NCOR1: variants seen among roughly 807,000 people sequenced by gnomAD.
NCOR1 encodes the protein nuclear receptor corepressor 1.
NCOR1 carries 63 observed loss-of-function variants against 288.1 expected under a neutral mutation model. The observed-to-expected ratio is 0.22, with a 90% confidence interval of 0.18 to 0.27. The LOEUF (loss-of-function observed/expected upper bound fraction) is 0.27, where lower values mean the gene tolerates loss of function less well. Ranked by LOEUF, NCOR1 falls within the 10% of genes least tolerant of loss-of-function variation. NCOR1 has a pLI of 1.00. For synonymous variants in NCOR1, 1,007 were observed against 1,065.9 expected, an observed-to-expected ratio of 0.94 and a Z score of 1.08; for missense variants, 2,397 against 3,019.2, an observed-to-expected ratio of 0.79 and a Z score of 4.83.
At chr17:16,080,110 C>G (rs1477276166) in intron 25 of NCOR1, 46 bp from the exon 26 acceptor site, 1 of 1,521,690 alleles carries the variant, frequency 6.6e-7, no homozygotes, top group Admixed American at 1.7e-5. Context: ...CCAGCCCCTG[C>G]CCCAAAACAT....
Position 16,121,165 on chromosome 17 carries a change from C to T in NCOR1, c.1739G>A (p.Arg580His). 1 of 1,614,112 alleles carries T rather than the reference C, an allele frequency of 6.2e-7. No individual in the cohort carries two copies. Among genetic ancestry groups the T allele is most frequent in the Non-Finnish European group, 8.5e-7 (1 of 1,180,028 alleles). The change falls in exon 16 of 46, where the codon CGC becomes CAC. Residue 580 changes from arginine (R) to histidine (H), a missense_variant. By Grantham distance (29) the Arg-to-His change is conservative. Transcript: ENST00000268712. ...RGRKTANSQGRRKGRITRSMT... is the reference protein window; with the variant it reads ...RGRKTANSQGHRKGRITRSMT... ...GGACCTGGTGATCCGGCCCTTACGG[C>T]GGCCCTGACTGTTGGCAGTCTTTCG...
chr17:16,071,516 G>T lies in NCOR1; in HGVS notation c.4045C>A (p.Arg1349Ser). Residue 1349 changes from arginine to serine, a missense_variant, in exon 30 of 46, where the codon CGT (arginine) becomes AGT (serine). Arg to Ser is a moderately radical substitution (Grantham distance 110). Coordinates refer to ENST00000268712, the MANE Select transcript of NCOR1 (RefSeq NM_006311.4). ...TGCCTTGGAATCTCATGAATGGAACGCCCCATTTCTTTGATGGTGGTGATG... is the reference window on the plus strand; with the variant it reads ...TGCCTTGGAATCTCATGAATGGAACTCCCCATTTCTTTGATGGTGGTGATG... Reference protein sequence around the residue: ...DGITTIKEMGRSIHEIPRQDI... With the variant: ...DGITTIKEMGSSIHEIPRQDI... 6.2e-7 allele frequency: 1 copy of T among 1,614,076 alleles called. No individual in the cohort carries two copies. The highest frequency in any genetic ancestry group is 8.5e-7 in the Non-Finnish European group (1 of 1,180,020).
At chr17:16,092,100 T>A in intron 21 of NCOR1, 42 bp from the exon 22 acceptor site, 1 of 1,597,196 alleles carries the variant, frequency 6.3e-7, no homozygotes, top group Non-Finnish European at 8.5e-7. Flanking sequence ...ACAACCAATG[T>A]AATAATTGCC....
intron 15 of NCOR1, among the ~76,000 whole-genome samples, 153 bp downstream of exon 15, chr17:16,125,929 A>G (rs1351238299): frequency 6.6e-6 from 1 of 151,978 alleles, no homozygotes; most frequent in Non-Finnish European, 1.5e-5. Flanking sequence ...TAATGGGTAT[A>G]ATGTACACTA....
rs143635749 is a variant in NCOR1, at chr17:16,051,570, A to G, written c.6393-2582T>C. Among the ~76,000 whole-genome samples, 1,258 of 152,300 alleles carry G rather than the reference A, an allele frequency of 8.3e-3. 16 individuals are homozygous for G. Among genetic ancestry groups the G allele is most frequent in the African/African-American group, 0.029 (1,187 of 41,572 alleles). On this transcript the variant is annotated intron_variant, in intron 40 of 45. Coordinates refer to ENST00000268712, the MANE Select transcript of NCOR1 (RefSeq NM_006311.4). ...AAAGATCTCAAGTTAACAAGCTAACATCACAACCAAGAGCAAACAAATCCC... is the reference window on the plus strand; with the variant it reads ...AAAGATCTCAAGTTAACAAGCTAACGTCACAACCAAGAGCAAACAAATCCC...
At chr17:16,110,219 G>T (rs1217458963) in intron 18 of NCOR1, among the ~76,000 whole-genome samples, 1 of 152,094 alleles carries the variant, frequency 6.6e-6, no homozygotes, top group African/African-American at 2.4e-5. Context: ...AGCTCTGTGT[G>T]CTGGTGCTCT....
intron 15 of NCOR1, among the ~76,000 whole-genome samples, chr17:16,121,650 G>A (rs977336880): frequency 6.6e-6 from 1 of 152,152 alleles, no homozygotes; most frequent in Non-Finnish European, 1.5e-5. Context: ...CTTTAGTCTA[G>A]GTTGCCTCAT....
At chr17:16,188,073 C>T (rs1273710871) in intron 2 of NCOR1, among the ~76,000 whole-genome samples, 1 of 152,010 alleles carries the variant, frequency 6.6e-6, no homozygotes, top group Non-Finnish European at 1.5e-5. Context: ...GTGATAGCTG[C>T]ACAATATAAT....
At chr17:16,194,375 T>G in intron 2 of NCOR1, 87 bp downstream of exon 2, 17 of 712,844 alleles carry the variant, frequency 2.4e-5, no homozygotes, top group South Asian at 1.8e-4. Flanking sequence ...ATAAATTTGG[T>G]GGTTTCTGTC....
intron 1 of NCOR1, chr17:16,198,241 C>G (rs2090194029): frequency 6.6e-6 from 1 of 151,676 alleles, no homozygotes; most frequent in African/African-American, 2.4e-5. Context: ...GCCTGTAGTT[C>G]CAGCTACTCA....
intron 3 of NCOR1, among the ~76,000 whole-genome samples, chr17:16,181,211 ATGTG>A (rs61215793): frequency 0.03 from 4,121 of 139,466 alleles, 137 homozygotes; most frequent in East Asian, 0.079. Context: ...ATATATATGT[ATGTG>A]TGTGTGTGTG....
chr17:16,133,218 C>G (rs1219202734), intron 14 of NCOR1, among the ~76,000 whole-genome samples: 1 of 152,202 alleles, frequency 6.6e-6, no homozygotes, highest in African/African-American at 2.4e-5. Context: ...ATCCACCCGC[C>G]CTGGACTCCC....
intron 15 of NCOR1, among the ~76,000 whole-genome samples, chr17:16,123,135 A>G (rs963392903): frequency 5.9e-5 from 9 of 152,150 alleles, no homozygotes; most frequent in African/African-American, 2.2e-4. Context: ...GAACATATCC[A>G]AAATCATATT....
At chr17:16,094,548 C>CCGGCT (rs2065988445) in intron 21 of NCOR1, among the ~76,000 whole-genome samples, 1 of 151,850 alleles carries the variant, frequency 6.6e-6, no homozygotes, top group Non-Finnish European at 1.5e-5. Context: ...AAGAGTGACT[C>CCGGCT]CGGCTCCCCT....
intron 10 of NCOR1, among the ~76,000 whole-genome samples, chr17:16,145,776 G>A (rs9907313): frequency 0.45 from 68,824 of 151,902 alleles, 16,616 homozygotes; most frequent in Middle Eastern, 0.57. Flanking sequence ...CCACCTGGCC[G>A]CTGCCCCGTC....
chr17:16,135,447 T>C (rs566108969), intron 14 of NCOR1, among the ~76,000 whole-genome samples: 4 of 152,246 alleles, frequency 2.6e-5, no homozygotes, highest in African/African-American at 9.6e-5. Context: ...ATGCCCTTTA[T>C]CCTCCCTTCT....
intron 43 of NCOR1, chr17:16,040,079 C>G (rs371517811): frequency 2.2e-6 from 1 of 457,540 alleles, no homozygotes; most frequent in Admixed American, 2.5e-5. Context: ...CGTGAGCCAC[C>G]GCACCCAGCC....
chr17:16,096,934 G>GT (rs1175645993), intron 21 of NCOR1, among the ~76,000 whole-genome samples: 1 of 152,208 alleles, frequency 6.6e-6, no homozygotes, highest in Admixed American at 6.5e-5. Context: ...ATACAATGGA[G>GT]TATTATTCAG....
intron 4 of NCOR1, among the ~76,000 whole-genome samples, chr17:16,170,827 C>T (rs1288500639): frequency 2.1e-5 from 3 of 143,818 alleles, no homozygotes; most frequent in Non-Finnish European, 4.5e-5. Flanking sequence ...GGGTACAGAG[C>T]GAGACTCCAT....
Sources: gnomAD v4.1 joint callset for allele counts (sites outside exome capture counted in the v4.1 genomes callset) on GRCh38, gnomAD v4.1.1 for gene constraint, MANE v1.5 for transcripts, NCBI Gene and HGNC (gene_info 2026-07-23, HGNC 2026-07-21) for gene names.